The following AGAP1 variants were observed in gnomAD, a reference collection of about 807,000 sequenced individuals.
AGAP1 encodes ArfGAP with GTPase domain, ankyrin repeat and PH domain 1.
AGAP1 carries 29 observed loss-of-function variants against 105.3 expected under a neutral mutation model. The observed-to-expected ratio is 0.28, with a 90% CI of 0.21 to 0.38. The LOEUF (loss-of-function observed/expected upper bound fraction) is 0.38. Ranked by LOEUF, AGAP1 falls within the 10% of genes least tolerant of loss-of-function variation. The probability of loss-of-function intolerance (pLI) is 1.00; values close to 1 mark genes in which losing one functional copy is unlikely to be tolerated. For missense variants in AGAP1, 998 were observed against 1,165.1 expected (o/e 0.86, Z 2.09); for synonymous variants, 509 against 485.9 (o/e 1.05, Z -0.63).
intron 1 of AGAP1, among the ~76,000 whole-genome samples, chr2:235,527,953 C>T (rs1942903991): frequency 6.6e-6 from 1 of 152,174 alleles, no homozygotes; most frequent in Non-Finnish European, 1.5e-5. Context: ...TCTGTATCAT[C>T]TTGAGTACAC....
At chr2:236,063,168 A>G (rs1254249781) in intron 16 of AGAP1, among the ~76,000 whole-genome samples, 5 of 151,998 alleles carry the variant, frequency 3.3e-5, no homozygotes, top group Non-Finnish European at 4.4e-5. Flanking sequence ...ATCTCAGCTC[A>G]CTGCAACCTC....
rs1317092038 is a variant in AGAP1, at chr2:235,535,466, A to T, written c.163+40617A>T. On this transcript the variant is annotated intron_variant, in intron 1 of 17. Coordinates refer to ENST00000304032, the MANE Select transcript of AGAP1 (RefSeq NM_001037131.3). This position sits in a 1 kb window ranked among gnomAD's most constrained non-coding sequence, Gnocchi z 5.1. Reference sequence around the variant, plus strand: ...TTTTTCCCATCGAGGTGCAGGAGGAATTGATCTTAGGGTAGTATTTTGGAT... The same window carrying T: ...TTTTTCCCATCGAGGTGCAGGAGGATTTGATCTTAGGGTAGTATTTTGGAT... Among the ~76,000 whole-genome samples, 1 of 147,642 alleles carries T rather than the reference A, an allele frequency of 6.8e-6. No individual in the cohort carries two copies. Among genetic ancestry groups the T allele is most frequent in the Non-Finnish European group, 1.5e-5 (1 of 67,362 alleles).
intron 11 of AGAP1, among the ~76,000 whole-genome samples, chr2:235,914,062 G>A (rs774442970): frequency 9.9e-5 from 15 of 152,020 alleles, no homozygotes; most frequent in Admixed American, 5.9e-4. Flanking sequence ...TTTTAGAGAG[G>A]CGGGGTCTAT....
intron 6 of AGAP1, among the ~76,000 whole-genome samples, chr2:235,763,178 C>G (rs559290129): frequency 6.6e-6 from 1 of 152,238 alleles, no homozygotes; most frequent in East Asian, 1.9e-4. Context: ...AAATCCAAAT[C>G]TTAAACTGGA....
Position 235,927,029 on chromosome 2 carries a change from C to T in AGAP1, c.1325-3736C>T, listed in dbSNP as rs573125243. Reference sequence around the variant, plus strand: ...AATGTCTCTATGAGCTCAGCCTGGACGTCAGGCGATAGTCTGTGGATCTGA... The same window carrying T: ...AATGTCTCTATGAGCTCAGCCTGGATGTCAGGCGATAGTCTGTGGATCTGA... On this transcript the variant is annotated intron_variant, in intron 11 of 17. Transcript: ENST00000304032. The surrounding 1 kb of genome is among the most constrained non-coding windows in gnomAD (Gnocchi z 4.4). Among the ~76,000 whole-genome samples the T allele has an allele frequency of 1.6e-4, 24 of 152,322 alleles. No homozygotes were observed. The South Asian group carries it at 2.1e-3, about 13-fold the overall frequency.
Position 235,621,166 on chromosome 2 carries a change from C to T in AGAP1, c.164-88013C>T, listed in dbSNP as rs571865747. ...CCTCCGGAGGAGCTGAGACTACAGG[C>T]GCCCGCCACCACACCCGGCTATTTT... On this transcript the variant is annotated intron_variant, in intron 1 of 17. Coordinates refer to ENST00000304032, the MANE Select transcript of AGAP1 (RefSeq NM_001037131.3). This position sits in a 1 kb window ranked among gnomAD's most constrained non-coding sequence, Gnocchi z 4.1. Among the ~76,000 whole-genome samples, 51 of 152,238 alleles carry T rather than the reference C, an allele frequency of 3.4e-4. No homozygotes were observed. Among genetic ancestry groups the T allele is most frequent in the Admixed American group, 1.8e-3 (28 of 15,294 alleles).
At chr2:235,767,775 G>GGCTTTT (rs1955087665) in intron 6 of AGAP1, among the ~76,000 whole-genome samples, 1 of 106,132 alleles carries the variant, frequency 9.4e-6, no homozygotes, top group African/African-American at 3.5e-5. Context: ...CCAGTTTCTT[G>GGCTTTT]TCTTTTTTTT....
Position 235,535,276 on chromosome 2 carries a change from T to C in AGAP1, c.163+40427T>C, listed in dbSNP as rs1391211224. Among the ~76,000 whole-genome samples, 1 of 152,106 alleles carries C rather than the reference T, an allele frequency of 6.6e-6. No homozygotes were observed. The highest frequency in any genetic ancestry group is 1.5e-5 in the Non-Finnish European group (1 of 68,014). ...TGCTGCCTCCCGTTTCATCTGCACGTCTCTTTCAATGCGGGCGTGCGAACT... is the reference window on the plus strand; with the variant it reads ...TGCTGCCTCCCGTTTCATCTGCACGCCTCTTTCAATGCGGGCGTGCGAACT... On this transcript the variant is annotated intron_variant, in intron 1 of 17. Coordinates refer to ENST00000304032, the MANE Select transcript of AGAP1 (RefSeq NM_001037131.3). This position sits in a 1 kb window ranked among gnomAD's most constrained non-coding sequence, Gnocchi z 5.1.
rs559514353 is a variant in AGAP1 at position 235,636,257 on chromosome 2, C to T, written c.164-72922C>T. 2.2e-4 allele frequency among the ~76,000 whole-genome samples: 33 copies of T among 152,262 alleles called. No individual in the cohort carries two copies. The South Asian group carries it at 6.6e-3, about 31-fold the overall frequency. ...CTCCTTTCTTCAGCGAGTGCAGGGCCTTTATCCTTGGGGCACCTTTCTGGG... is the reference window on the plus strand; with the variant it reads ...CTCCTTTCTTCAGCGAGTGCAGGGCTTTTATCCTTGGGGCACCTTTCTGGG... On this transcript the variant is annotated intron_variant, in intron 1 of 17. Transcript: ENST00000304032.
At chr2:235,547,075 C>G (rs778314846) in intron 1 of AGAP1, among the ~76,000 whole-genome samples, 1 of 152,072 alleles carries the variant, frequency 6.6e-6, no homozygotes, top group Non-Finnish European at 1.5e-5. Context: ...GAAAAATTCC[C>G]CATGCTTTTA....
rs1432513532 is a variant in AGAP1, at chr2:235,553,522, A to G, written c.163+58673A>G. On this transcript the variant is annotated intron_variant, in intron 1 of 17. Transcript: ENST00000304032. This position sits in a 1 kb window ranked among gnomAD's most constrained non-coding sequence, Gnocchi z 4.5. ...TAGTTAGTAAACAATTGCTTCTGCT[A>G]GAATCATCATTGTCAATATTAAGAA... Among the ~76,000 whole-genome samples the G allele has an allele frequency of 6.6e-6, 1 of 152,176 alleles. No individual in the cohort carries two copies. Among genetic ancestry groups the G allele is most frequent in the Admixed American group, 6.5e-5 (1 of 15,276 alleles).
At position 235,553,982 on chromosome 2, in the gene AGAP1, C is replaced by G. The variant is rs1413998812; in HGVS notation, c.163+59133C>G. Among the ~76,000 whole-genome samples the G allele has an allele frequency of 6.6e-6, 1 of 152,152 alleles. No homozygotes were observed. The highest frequency in any genetic ancestry group is 1.5e-5 in the Non-Finnish European group (1 of 68,042). On this transcript the variant is annotated intron_variant, in intron 1 of 17. Coordinates refer to ENST00000304032, the MANE Select transcript of AGAP1 (RefSeq NM_001037131.3). The surrounding 1 kb of genome is among the most constrained non-coding windows in gnomAD (Gnocchi z 4.5). ...CCTCCTGGACCCCTTACTGGGTGGA[C>G]AAAGGTTTTCTGTGTGACTCACCTC...
At chr2:235,735,223 T>C (rs1268398683) in intron 3 of AGAP1, among the ~76,000 whole-genome samples, 2 of 152,234 alleles carry the variant, frequency 1.3e-5, no homozygotes, top group Admixed American at 6.5e-5. Flanking sequence ...AATGATACGT[T>C]GATAGCTTTC....
chr2:235,536,234 G>C (rs1943217476), intron 1 of AGAP1, among the ~76,000 whole-genome samples: 1 of 15,462 alleles, frequency 6.5e-5, no homozygotes, highest in African/African-American at 4.1e-4. Flanking sequence ...GCAGGACCCT[G>C]GGGTTTGTGT....
Position 236,129,602 on chromosome 2 carries a change from C to T in AGAP1, c.*5480C>T, listed in dbSNP as rs938966277. 8 of 152,154 alleles carry T rather than the reference C, an allele frequency of 5.3e-5. No individual in the cohort carries two copies. Among genetic ancestry groups the T allele is most frequent in the Non-Finnish European group, 1.0e-4 (7 of 68,040 alleles). 9.4% of individuals were successfully genotyped at this position (152,154 alleles called of 1,614,324 possible). A position where few individuals can be genotyped will look rare whatever the true frequency, so the allele number is the denominator to read the frequency against. On this transcript the variant is annotated 3_prime_UTR_variant, in exon 18 of 18. Transcript: ENST00000304032. The surrounding 1 kb of genome is among the most constrained non-coding windows in gnomAD (Gnocchi z 6.2). ...CCCCTGTGGCAGACTCCTCCCCTCT[C>T]CATGAAGAAAGAAATATTTACTTAG... is the stretch of plus-strand genomic sequence containing the variant.
chr2:235,955,177 G>A (rs1444725582), intron 12 of AGAP1, among the ~76,000 whole-genome samples: 1 of 152,190 alleles, frequency 6.6e-6, no homozygotes, highest in African/African-American at 2.4e-5. Context: ...GGCTGGGGCT[G>A]GAGCTGCCTT....
chr2:235,910,286 G>GGGCAGTCACTGAGCTGGTTCCTTCCCC (rs2051537777), intron 11 of AGAP1, among the ~76,000 whole-genome samples: 3 of 7,682 alleles, frequency 3.9e-4, no homozygotes, highest in East Asian at 0.01. Flanking sequence ...TGCCTGTGTT[G>GGGCAGTCACTGAGCTGGTTCCTTCCCC]CAGGGGGGCG....
chr2:235,998,656 G>A (rs554654770), intron 13 of AGAP1, among the ~76,000 whole-genome samples: 1 of 151,994 alleles, frequency 6.6e-6, no homozygotes, highest in Non-Finnish European at 1.5e-5. Flanking sequence ...GATGGTGAGA[G>A]GTGGTGGTGG....
chr2:235,785,672 C>G (rs1956583684), intron 6 of AGAP1, among the ~76,000 whole-genome samples: 1 of 152,030 alleles, frequency 6.6e-6, no homozygotes, highest in African/African-American at 2.4e-5. Context: ...TGTGTAGTTT[C>G]TTTAGCTGGA....
Sources: allele counts gnomAD v4.1 joint callset (sites outside exome capture counted in the v4.1 genomes callset), GRCh38; gene constraint gnomAD v4.1.1; non-coding constraint Gnocchi (gnomAD v3.1); transcripts MANE v1.5; gene names NCBI Gene and HGNC (gene_info 2026-07-23, HGNC 2026-07-21).